LUZP2: variants seen among roughly 807,000 people sequenced by gnomAD.
The protein encoded by LUZP2 is leucine zipper protein 2.
A neutral mutation model predicts 51.6 loss-of-function variants in LUZP2; 52 were observed. That is an observed-to-expected ratio of 1.01 (90% CI 0.81 to 1.27). LUZP2 has a LOEUF of 1.27. Among genes scored for constraint, LUZP2 ranks in the 50% most tolerant of loss-of-function variants. LUZP2 has a pLI of 0.00. For missense variants in LUZP2, 436 were observed against 395.4 expected (o/e 1.10, Z -0.87); for synonymous variants, 154 against 137.3 (o/e 1.12, Z -0.85).
chr11:24,510,216 G>C (rs1473357206), intron 1 of LUZP2, among the ~76,000 whole-genome samples: 1 of 152,144 alleles, frequency 6.6e-6, no homozygotes, highest in African/African-American at 2.4e-5. Context: ...ATGTCTTAAA[G>C]AAAGAAAACG....
intron 8 of LUZP2, among the ~76,000 whole-genome samples, chr11:24,982,551 A>T (rs1401643646): frequency 1.3e-5 from 2 of 151,744 alleles, no homozygotes; most frequent in Non-Finnish European, 2.9e-5. Context: ...GAGCTAAATG[A>T]TGAGAACTTA....
chr11:25,045,123 G>T (rs926730670), intron 9 of LUZP2, among the ~76,000 whole-genome samples: 1 of 150,202 alleles, frequency 6.7e-6, no homozygotes, highest in Admixed American at 6.7e-5. Context: ...CGAGTTAATG[G>T]GTGCAGCACA....
intron 9 of LUZP2, among the ~76,000 whole-genome samples, chr11:25,018,055 T>TTTTTTTTTTG (rs1857213003): frequency 7.1e-6 from 1 of 140,020 alleles, no homozygotes; most frequent in African/African-American, 2.9e-5. Flanking sequence ...TTTGTTTTTT[T>TTTTTTTTTTG]TTTTGCAGCT....
chr11:24,983,788 GT>G (rs564498284), intron 9 of LUZP2, among the ~76,000 whole-genome samples: 2 of 142,728 alleles, frequency 1.4e-5, no homozygotes, highest in East Asian at 2.1e-4. Flanking sequence ...TACTCCTGGG[GT>G]TTTTTTTCCC....
At chr11:24,680,969 C>A (rs34906878) in intron 1 of LUZP2, among the ~76,000 whole-genome samples, 7,237 of 101,128 alleles carry the variant, frequency 0.072, 209 homozygotes, top group African/African-American at 0.12. Flanking sequence ...TAATTTCTTT[C>A]TTTATTTTTT....
chr11:24,891,814 T>C (rs1852863787), intron 5 of LUZP2: 3 of 977,078 alleles, frequency 3.1e-6, no homozygotes, highest in Admixed American at 1.2e-4. Context: ...AGGCAACAAA[T>C]TGGGATACGC....
At chr11:24,668,796 T>C (rs1386157966) in intron 1 of LUZP2, among the ~76,000 whole-genome samples, 2 of 152,146 alleles carry the variant, frequency 1.3e-5, no homozygotes, top group East Asian at 1.9e-4. Context: ...AAATGAAATA[T>C]ACAAAAAGTA....
intron 1 of LUZP2, among the ~76,000 whole-genome samples, chr11:24,655,375 A>G (rs777592666): frequency 2.0e-5 from 3 of 152,192 alleles, no homozygotes; most frequent in Non-Finnish European, 4.4e-5. Flanking sequence ...CAGCTTTTTA[A>G]AAATAGAGGT....
chr11:24,610,536 T>C (rs929777845), intron 1 of LUZP2, among the ~76,000 whole-genome samples: 1 of 152,224 alleles, frequency 6.6e-6, no homozygotes, highest in Non-Finnish European at 1.5e-5. Context: ...GGCCCTTGTT[T>C]ATGGTGGCTC....
At chr11:24,935,971 C>G (rs1854573789) in intron 7 of LUZP2, among the ~76,000 whole-genome samples, 1 of 152,004 alleles carries the variant, frequency 6.6e-6, no homozygotes, top group Admixed American at 6.5e-5. Context: ...TAGATGTTCC[C>G]TTTTTGTCGT....
At chr11:25,056,850 C>T (rs1025647134) in intron 10 of LUZP2, among the ~76,000 whole-genome samples, 2 of 152,094 alleles carry the variant, frequency 1.3e-5, no homozygotes, top group African/African-American at 2.4e-5. Flanking sequence ...CCTGTAATCC[C>T]GGCGCTTTGG....
intron 9 of LUZP2, among the ~76,000 whole-genome samples, chr11:25,033,334 G>T (rs1404116962): frequency 6.6e-6 from 1 of 152,074 alleles, no homozygotes; most frequent in Non-Finnish European, 1.5e-5. Context: ...AGGAAAGCAT[G>T]GATTTTCTTG....
chr11:24,885,052 T>C (rs1371268909), intron 5 of LUZP2, among the ~76,000 whole-genome samples: 1 of 152,044 alleles, frequency 6.6e-6, no homozygotes, highest in African/African-American at 2.4e-5. Context: ...AGTGCCTGTT[T>C]TAGAGAAAGA....
At chr11:24,533,859 T>G (rs190331128) in intron 1 of LUZP2, among the ~76,000 whole-genome samples, 36 of 151,360 alleles carry the variant, frequency 2.4e-4, no homozygotes, top group Non-Finnish European at 4.9e-4. Context: ...TTAAATAATA[T>G]ATGTATAACC....
intron 7 of LUZP2, among the ~76,000 whole-genome samples, chr11:24,968,914 G>T (rs994004606): frequency 6.6e-6 from 1 of 152,114 alleles, no homozygotes; most frequent in South Asian, 2.1e-4. Context: ...TGGCACAATT[G>T]GTTCACAGTT....
intron 1 of LUZP2, among the ~76,000 whole-genome samples, chr11:24,664,885 G>A (rs910792252): frequency 6.6e-6 from 1 of 152,174 alleles, no homozygotes; most frequent in African/African-American, 2.4e-5. Context: ...CTCTAGTAGG[G>A]CAGTGCAGAA....
At chr11:24,670,767 T>G (rs1463181510) in intron 1 of LUZP2, among the ~76,000 whole-genome samples, 1 of 151,938 alleles carries the variant, frequency 6.6e-6, no homozygotes, top group African/African-American at 2.4e-5. Flanking sequence ...ATCAATTAAG[T>G]ATTCATTTTA....
At chr11:25,050,518 C>A (rs576450481) in intron 10 of LUZP2, among the ~76,000 whole-genome samples, 11 of 152,108 alleles carry the variant, frequency 7.2e-5, no homozygotes, top group Admixed American at 6.6e-4. Flanking sequence ...GTTAACCAGG[C>A]TGGTCTTGAT....
At chr11:24,841,844 G>A (rs1272263726) in intron 5 of LUZP2, among the ~76,000 whole-genome samples, 1 of 152,056 alleles carries the variant, frequency 6.6e-6, no homozygotes, top group African/African-American at 2.4e-5. Flanking sequence ...CAAAGGGACA[G>A]ATGAGACATT....
Sources: allele counts gnomAD v4.1 joint callset (sites outside exome capture counted in the v4.1 genomes callset), GRCh38; gene constraint gnomAD v4.1.1; transcripts MANE v1.5; gene names NCBI Gene and HGNC (gene_info 2026-07-23, HGNC 2026-07-21).